Variants in DGUOK observed in about 807,000 individuals in gnomAD.
DGUOK encodes deoxyguanosine kinase.
In DGUOK, 30 loss-of-function variants were observed where a neutral mutation model predicts 36.6. The ratio of observed to expected loss-of-function variants is 0.82; its 90% CI spans 0.61 to 1.11. The LOEUF (loss-of-function observed/expected upper bound fraction) is 1.11, where lower values mean the gene tolerates loss of function less well. Among genes scored for constraint, DGUOK ranks in the 50% most tolerant of loss-of-function variants. The pLI is 0.00. For missense variants in DGUOK, 361 were observed against 336.4 expected, an observed-to-expected ratio of 1.07 and a Z score of -0.57; for synonymous variants, 145 against 126.3, an observed-to-expected ratio of 1.15 and a Z score of -0.99.
At chr2:73,939,607 G>T (rs553941882) in intron 2 of DGUOK, among the ~76,000 whole-genome samples, 8 of 152,352 alleles carry the variant, frequency 5.3e-5, no homozygotes, top group Admixed American at 5.2e-4. Flanking sequence ...AGCCACATCA[G>T]TCTGAGTAAG....
chr2:73,958,252 A>G lies in DGUOK; in HGVS notation c.807+7A>G. 6.2e-7 allele frequency: 1 copy of G among 1,607,476 alleles called. No individual in the cohort carries two copies. The highest frequency in any genetic ancestry group is 8.5e-7 in the Non-Finnish European group (1 of 1,174,138). On this transcript the variant is annotated splice_region_variant and intron_variant, in intron 6 of 6. Coordinates refer to ENST00000264093, the MANE Select transcript of DGUOK (RefSeq NM_080916.3). ...AGAAGACCTCATGAGAGAGGTGGGA[A>G]GGACTTTAACTCCTGTTTTCTGGTG...
Position 73,938,860 on chromosome 2 carries a change from C to T in DGUOK, c.143-50C>T, listed in dbSNP as rs193025242. ...GGCAGAGTTTAGTAGCAGCCTTCTC[C>T]TTCAGCCCTGATTTGGGAAGCATCC... On this transcript the variant is annotated intron_variant, in intron 1 of 6. Transcript: ENST00000264093. 99 of 1,288,030 alleles carry T rather than the reference C, an allele frequency of 7.7e-5. No homozygotes were observed. The African/African-American group carries it at 1.3e-3, about 17-fold the overall frequency. The allele number at this position is 1,288,030 out of a possible 1,614,324, so 79.8% of individuals were successfully genotyped here. A position where few individuals can be genotyped will look rare whatever the true frequency, so the allele number is the denominator to read the frequency against.
At chr2:73,952,262 T>C (rs4852322) in intron 4 of DGUOK, among the ~76,000 whole-genome samples, 77,374 of 152,192 alleles carry the variant, frequency 0.51, 23,222 homozygotes, top group Non-Finnish European at 0.65. Flanking sequence ...ATGCATTGAT[T>C]GCAAGTTGAC....
In DGUOK at chr2:73,957,250, G is replaced by A; in HGVS notation, c.707+10G>A. On this transcript the variant is annotated intron_variant, in intron 5 of 6. Coordinates refer to ENST00000264093, the MANE Select transcript of DGUOK (RefSeq NM_080916.3). ...TTCACAAGACAACGAAGTAAGTGGG[G>A]AGAAAAGAATGTATCAGAGACAGAG... 6.2e-7 allele frequency: 1 copy of A among 1,608,666 alleles called. No homozygotes were observed. Among genetic ancestry groups the A allele is most frequent in the Middle Eastern group, 1.7e-4 (1 of 6,050 alleles).
At chr2:73,949,857 A>T (rs552717428) in intron 3 of DGUOK, among the ~76,000 whole-genome samples, 1 of 152,312 alleles carries the variant, frequency 6.6e-6, no homozygotes, top group South Asian at 2.1e-4. Context: ...TGTTTACCAG[A>T]TGCTCTTTTG....
intron 1 of DGUOK, among the ~76,000 whole-genome samples, chr2:73,931,828 A>G (rs867107485): frequency 2.0e-5 from 3 of 152,204 alleles, no homozygotes; most frequent in African/African-American, 7.2e-5. Flanking sequence ...GAGGGAGGAA[A>G]GATGCAGGCC....
intron 4 of DGUOK, among the ~76,000 whole-genome samples, chr2:73,955,921 TC>T: frequency 6.6e-6 from 1 of 152,124 alleles, no homozygotes; most frequent in Non-Finnish European, 1.5e-5. Context: ...CATCTGTTCT[TC>T]CAGGACAGAT....
At chr2:73,944,040 C>T (rs940083938) in intron 2 of DGUOK, among the ~76,000 whole-genome samples, 12 of 152,164 alleles carry the variant, frequency 7.9e-5, no homozygotes, top group African/African-American at 2.9e-4. Flanking sequence ...CCTATTATAG[C>T]TCACTGCAGC....
intron 4 of DGUOK, among the ~76,000 whole-genome samples, chr2:73,956,866 C>T (rs1487059067): frequency 2.6e-5 from 4 of 152,164 alleles, no homozygotes; most frequent in Non-Finnish European, 4.4e-5. Flanking sequence ...ATTCCAGGTC[C>T]GTGGCTTGGA....
chr2:73,931,018 A>C (rs1473340869), intron 1 of DGUOK, among the ~76,000 whole-genome samples: 1 of 151,794 alleles, frequency 6.6e-6, no homozygotes, highest in Non-Finnish European at 1.5e-5. Flanking sequence ...GGATGGTCTC[A>C]ATCTCCTGAC....
rs191541507 is a variant in DGUOK at position 73,946,689 on chromosome 2, A to G, written c.256-30A>G. ...CATGGAGTAAATATGCTTTCTAGGA[A>G]ATTTTCTTCTTTTTTTCATCTCCCT... On this transcript the variant is annotated intron_variant, in intron 2 of 6. Coordinates refer to ENST00000264093, the MANE Select transcript of DGUOK (RefSeq NM_080916.3). The G allele has an allele frequency of 8.7e-3, 14,081 of 1,610,000 alleles. 81 individuals carry two copies. The highest frequency in any genetic ancestry group is 0.011 in the Non-Finnish European group (13,179 of 1,176,576).
chr2:73,937,898 C>G (rs925070633), intron 1 of DGUOK, among the ~76,000 whole-genome samples: 1 of 152,220 alleles, frequency 6.6e-6, no homozygotes, highest in Non-Finnish European at 1.5e-5. Flanking sequence ...TTTAACTAGT[C>G]TGCCTGCTTC....
intron 1 of DGUOK, among the ~76,000 whole-genome samples, chr2:73,937,495 A>G (rs1475662600): frequency 6.6e-6 from 1 of 152,220 alleles, no homozygotes; most frequent in African/African-American, 2.4e-5. Flanking sequence ...ATGGAGAGAA[A>G]AGGACAAATA....
intron 3 of DGUOK, among the ~76,000 whole-genome samples, chr2:73,948,422 A>G (rs1025617666): frequency 5.3e-5 from 8 of 152,236 alleles, no homozygotes; most frequent in South Asian, 4.1e-4. Flanking sequence ...TCCAGGTGCT[A>G]TCTTCAGTGA....
Position 73,946,918 on chromosome 2 carries a change from A to G in DGUOK, c.443+12A>G, listed in dbSNP as rs1450051395. On this transcript the variant is annotated intron_variant, in intron 3 of 6. Transcript: ENST00000264093. ...GTGTACAGTGACAGGTAAAATGCCA[A>G]GCCCTCCACCAGTCACAAGCCCCAT... 3.1e-6 allele frequency: 5 copies of G among 1,605,082 alleles called. No homozygotes were observed. The highest frequency in any genetic ancestry group is 3.4e-6 in the Non-Finnish European group (4 of 1,175,948).
intron 1 of DGUOK, among the ~76,000 whole-genome samples, chr2:73,931,873 G>A (rs866320716): frequency 1.3e-5 from 2 of 152,166 alleles, no homozygotes; most frequent in African/African-American, 4.8e-5. Flanking sequence ...AGAAGTGACG[G>A]TTTCAGAGAG....
intron 1 of DGUOK, among the ~76,000 whole-genome samples, chr2:73,933,143 C>G (rs1469722389): frequency 6.6e-6 from 1 of 152,150 alleles, no homozygotes. Context: ...CTCCAGCATT[C>G]AAAATTAGTG....
intron 4 of DGUOK, among the ~76,000 whole-genome samples, chr2:73,955,587 A>G (rs950888671): frequency 6.6e-6 from 1 of 152,178 alleles, no homozygotes; most frequent in Non-Finnish European, 1.5e-5. Context: ...GAAAGAGGGA[A>G]GTCCTGGCCG....
intron 4 of DGUOK, among the ~76,000 whole-genome samples, chr2:73,954,552 AAG>A (rs1345840578): frequency 6.6e-6 from 1 of 151,996 alleles, no homozygotes; most frequent in Non-Finnish European, 1.5e-5. Context: ...TAAAACTCAA[AAG>A]AGAAATAGCT....
Sources: gnomAD v4.1 joint callset for allele counts (sites outside exome capture counted in the v4.1 genomes callset) on GRCh38, gnomAD v4.1.1 for gene constraint, MANE v1.5 for transcripts, NCBI Gene and HGNC (gene_info 2026-07-23, HGNC 2026-07-21) for gene names.